Variants in NTM observed in about 807,000 individuals in gnomAD.
The protein encoded by NTM is IgLON family member 2.
NTM carries 13 observed loss-of-function variants against 42.1 expected under a neutral mutation model. The observed-to-expected ratio is 0.31, with a 90% CI of 0.20 to 0.49. NTM has a LOEUF of 0.49. NTM is among the 20% of genes least tolerant of loss of function. The pLI is 0.99. For synonymous variants in NTM, 187 were observed against 179.2 expected, an observed-to-expected ratio of 1.04 and a Z score of -0.35; for missense variants, 373 against 452.8, an observed-to-expected ratio of 0.82 and a Z score of 1.60.
chr11:131,458,955 G>A (rs984431021), intron 1 of NTM, among the ~76,000 whole-genome samples: 5 of 152,360 alleles, frequency 3.3e-5, no homozygotes, highest in Admixed American at 3.3e-4. Context: ...GATACCCACT[G>A]CCCTAGGGCA....
chr11:131,795,198 T>C (rs2091423122), intron 1 of NTM: 2 of 328,282 alleles, frequency 6.1e-6, no homozygotes. Flanking sequence ...GGTGAAGGCT[T>C]ACTCACGGCA....
chr11:132,058,856 A>G (rs2080154695), intron 2 of NTM, among the ~76,000 whole-genome samples: 1 of 152,180 alleles, frequency 6.6e-6, no homozygotes, highest in Non-Finnish European at 1.5e-5. Context: ...CGTAGGAAGC[A>G]GGGTGCACAG....
intron 1 of NTM, among the ~76,000 whole-genome samples, chr11:131,526,038 A>G (rs1335018092): frequency 1.3e-5 from 2 of 151,724 alleles, no homozygotes; most frequent in Non-Finnish European, 2.9e-5. Flanking sequence ...CCATTGTACC[A>G]GGCTCCCTGT....
intron 2 of NTM, among the ~76,000 whole-genome samples, chr11:131,946,374 G>A (rs760624221): frequency 6.6e-6 from 1 of 152,186 alleles, no homozygotes; most frequent in Non-Finnish European, 1.5e-5. Context: ...TTAGAGAGGA[G>A]AATGCACCTA....
At chr11:131,503,477 G>A (rs901113584) in intron 1 of NTM, among the ~76,000 whole-genome samples, 6 of 152,034 alleles carry the variant, frequency 3.9e-5, no homozygotes, top group Non-Finnish European at 8.8e-5. Flanking sequence ...CCAGGAAAAC[G>A]GACTGGGATC....
intron 1 of NTM, among the ~76,000 whole-genome samples, chr11:131,437,601 T>C (rs568088949): frequency 6.6e-6 from 1 of 152,344 alleles, no homozygotes; most frequent in South Asian, 2.1e-4. Context: ...AGACTAAGAT[T>C]GCAACCTCTG....
chr11:132,115,827 C>A (rs11222940), intron 2 of NTM, among the ~76,000 whole-genome samples: 44,568 of 152,190 alleles, frequency 0.29, 6,694 homozygotes, highest in Non-Finnish European at 0.32. Context: ...CATTCACACA[C>A]TATGTGGCAA....
chr11:131,482,353 T>C (rs1953696173), intron 1 of NTM, among the ~76,000 whole-genome samples: 1 of 152,228 alleles, frequency 6.6e-6, no homozygotes, highest in South Asian at 2.1e-4. Context: ...AGCCATCTGC[T>C]GAGCCCTGCT....
intron 2 of NTM, among the ~76,000 whole-genome samples, chr11:131,933,039 T>C (rs2058807979): frequency 6.6e-6 from 1 of 152,248 alleles, no homozygotes; most frequent in Non-Finnish European, 1.5e-5. Context: ...AGCTTTTCTC[T>C]CAGCTTTTCC....
chr11:132,284,063 C>G (rs1442653907), intron 4 of NTM, among the ~76,000 whole-genome samples: 4 of 152,182 alleles, frequency 2.6e-5, no homozygotes, highest in Non-Finnish European at 5.9e-5. Context: ...GTCCCAGCCC[C>G]TGGGGCCTCA....
At chr11:131,527,531 A>T (rs549385399) in intron 1 of NTM, among the ~76,000 whole-genome samples, 1 of 152,370 alleles carries the variant, frequency 6.6e-6, no homozygotes, top group South Asian at 2.1e-4. Context: ...GATATAGGCC[A>T]TTGAACTCTG....
At chr11:131,896,813 G>C (rs188055624) in intron 1 of NTM, among the ~76,000 whole-genome samples, 1 of 150,356 alleles carries the variant, frequency 6.7e-6, no homozygotes, top group Non-Finnish European at 1.5e-5. Flanking sequence ...CTCAGCCTCC[G>C]GAGTAGCTGG....
At chr11:131,934,676 T>A (rs1297210622) in intron 2 of NTM, among the ~76,000 whole-genome samples, 2 of 152,106 alleles carry the variant, frequency 1.3e-5, no homozygotes, top group African/African-American at 4.8e-5. Context: ...TGGATGTCTC[T>A]CTGAGAGGAA....
chr11:132,021,347 A>C (rs974596658), intron 2 of NTM, among the ~76,000 whole-genome samples: 3 of 152,156 alleles, frequency 2.0e-5, no homozygotes, highest in South Asian at 2.1e-4. Context: ...GAATGGCTTG[A>C]AATTTCAGCT....
chr11:132,280,734 C>T (rs926493727), intron 4 of NTM, among the ~76,000 whole-genome samples: 1 of 152,094 alleles, frequency 6.6e-6, no homozygotes, highest in African/African-American at 2.4e-5. Context: ...GATCTGCCCA[C>T]CTCGGCCTCC....
intron 3 of NTM, among the ~76,000 whole-genome samples, chr11:132,208,641 A>G (rs2082354192): frequency 6.6e-6 from 1 of 152,126 alleles, no homozygotes; most frequent in Non-Finnish European, 1.5e-5. Context: ...ATTGTTCTCT[A>G]GTGTATGATT....
At chr11:131,782,052 T>G (rs1187582671) in intron 1 of NTM, among the ~76,000 whole-genome samples, 1 of 152,200 alleles carries the variant, frequency 6.6e-6, no homozygotes, top group Non-Finnish European at 1.5e-5. Context: ...GAGATTTTAT[T>G]GAGCAAGTGG....
intron 2 of NTM, chr11:132,141,213 C>T (rs1007417328): frequency 4.6e-5 from 7 of 151,840 alleles, no homozygotes; most frequent in African/African-American, 1.7e-4. Context: ...CCCAGGTTCT[C>T]TCTCTCTTTC....
intron 1 of NTM, among the ~76,000 whole-genome samples, chr11:131,879,631 C>G (rs2049151748): frequency 6.6e-6 from 1 of 152,056 alleles, no homozygotes; most frequent in Non-Finnish European, 1.5e-5. Context: ...GCTTCAAAAT[C>G]AAAACATATT....
Sources: allele counts gnomAD v4.1 joint callset (sites outside exome capture counted in the v4.1 genomes callset), GRCh38; gene constraint gnomAD v4.1.1; transcripts MANE v1.5; gene names NCBI Gene and HGNC (gene_info 2026-07-23, HGNC 2026-07-21).